The following GPC6 variants were observed in gnomAD, a reference collection of about 807,000 sequenced individuals.
GPC6 encodes the protein glypican 6.
A neutral mutation model predicts 55.2 loss-of-function variants in GPC6; 14 were observed. That is an observed-to-expected ratio of 0.25 (90% confidence interval 0.17 to 0.40). GPC6 has a LOEUF of 0.40. Among genes scored for constraint, GPC6 ranks in the 10% least tolerant of loss-of-function variants. GPC6 has a pLI of 1.00. For missense variants in GPC6, 641 were observed against 708.5 expected (o/e 0.90, Z 1.08); for synonymous variants, 278 against 259.6 (o/e 1.07, Z -0.68).
At chr13:93,892,891 G>T (rs1323244550) in intron 3 of GPC6, among the ~76,000 whole-genome samples, 1 of 152,108 alleles carries the variant, frequency 6.6e-6, no homozygotes, top group East Asian at 1.9e-4. Flanking sequence ...GCAAACATGT[G>T]TGAACATATT....
chr13:93,729,940 C>A (rs1002283899), intron 2 of GPC6, among the ~76,000 whole-genome samples: 1 of 152,158 alleles, frequency 6.6e-6, no homozygotes, highest in Admixed American at 6.5e-5. Context: ...TCCATGCTGT[C>A]TGAGCTTATT....
At chr13:93,894,478 A>C (rs1009144616) in intron 3 of GPC6, among the ~76,000 whole-genome samples, 8 of 152,118 alleles carry the variant, frequency 5.3e-5, no homozygotes, top group Non-Finnish European at 1.2e-4. Flanking sequence ...TATTTTCCAC[A>C]TATGCATTGC....
At chr13:93,641,017 G>T (rs1879911711) in intron 2 of GPC6, among the ~76,000 whole-genome samples, 1 of 151,864 alleles carries the variant, frequency 6.6e-6, no homozygotes, top group Non-Finnish European at 1.5e-5. Context: ...GAGATGGAAG[G>T]ATTAAGGAAA....
At chr13:93,862,779 A>T (rs998082276) in intron 3 of GPC6, among the ~76,000 whole-genome samples, 5 of 151,616 alleles carry the variant, frequency 3.3e-5, no homozygotes, top group African/African-American at 1.2e-4. Flanking sequence ...CCACTGTAGT[A>T]TATTCTGTTT....
chr13:94,001,344 A>C (rs1881790781), intron 3 of GPC6, among the ~76,000 whole-genome samples: 1 of 152,200 alleles, frequency 6.6e-6, no homozygotes. Context: ...ATGTTAGTTA[A>C]AACAAGAAAA....
chr13:93,816,657 C>T, intron 2 of GPC6, among the ~76,000 whole-genome samples: 1 of 150,108 alleles, frequency 6.7e-6, no homozygotes. Flanking sequence ...AATTTATAGC[C>T]ATCTACTTAA....
At chr13:93,845,924 G>A (rs1308974913) in intron 3 of GPC6, among the ~76,000 whole-genome samples, 2 of 151,454 alleles carry the variant, frequency 1.3e-5, no homozygotes, top group African/African-American at 2.4e-5. Context: ...CATGGCACAT[G>A]TATACATATG....
intron 4 of GPC6, among the ~76,000 whole-genome samples, chr13:94,212,229 C>T (rs1162315340): frequency 6.6e-6 from 1 of 152,088 alleles, no homozygotes; most frequent in African/African-American, 2.4e-5. Flanking sequence ...TTATTTTGAA[C>T]AAGTCATGAT....
chr13:93,603,389 T>G (rs1878105980), intron 2 of GPC6, among the ~76,000 whole-genome samples: 1 of 152,228 alleles, frequency 6.6e-6, no homozygotes, highest in South Asian at 2.1e-4. Flanking sequence ...TATTTTAGTA[T>G]TTCAATTAGT....
intron 4 of GPC6, among the ~76,000 whole-genome samples, chr13:94,102,860 T>C (rs1362319476): frequency 6.6e-6 from 1 of 152,166 alleles, no homozygotes; most frequent in Non-Finnish European, 1.5e-5. Flanking sequence ...TAATTAGTTA[T>C]GTATCTCCCA....
intron 3 of GPC6, among the ~76,000 whole-genome samples, chr13:93,969,959 G>A (rs2140392961): frequency 6.6e-6 from 1 of 152,290 alleles, no homozygotes; most frequent in East Asian, 1.9e-4. Context: ...ATCACCAGGT[G>A]TGATTATGTT....
At chr13:93,420,965 A>G (rs989011090) in intron 1 of GPC6, among the ~76,000 whole-genome samples, 1 of 152,128 alleles carries the variant, frequency 6.6e-6, no homozygotes, top group Non-Finnish European at 1.5e-5. Context: ...TGACTACAGG[A>G]AGCCAAGCAT....
intron 1 of GPC6, among the ~76,000 whole-genome samples, chr13:93,421,881 T>G (rs1876935434): frequency 1.3e-5 from 2 of 152,218 alleles, no homozygotes; most frequent in Admixed American, 1.3e-4. Context: ...TGACATTTGC[T>G]TCATATGCAC....
intron 1 of GPC6, among the ~76,000 whole-genome samples, chr13:93,232,625 A>G (rs1384673135): frequency 6.6e-6 from 1 of 152,226 alleles, no homozygotes; most frequent in Admixed American, 6.5e-5. Context: ...GAGTAGAAAT[A>G]TAGGCCACTG....
chr13:94,170,137 T>C lies in GPC6; in HGVS notation c.878-116212T>C, dbSNP rs184830712. The stretch of plus-strand genomic sequence containing the variant: ...AAAGCACAAGAAATAATGAGTGCTC[T>C]GAAAGAAAACACAGACAGGCACGTG... On this transcript the variant is annotated intron_variant, in intron 4 of 8. Coordinates refer to ENST00000377047, the MANE Select transcript of GPC6 (RefSeq NM_005708.5). Among the ~76,000 whole-genome samples the C allele has an allele frequency of 9.9e-5, 15 of 152,268 alleles. 1 individual carries two copies. Among genetic ancestry groups the C allele is most frequent in the Middle Eastern group, 3.4e-3 (1 of 294 alleles).
chr13:93,789,613 A>AC (rs1445169371), intron 2 of GPC6, among the ~76,000 whole-genome samples: 915 of 20,218 alleles, frequency 0.045, 47 homozygotes, highest in African/African-American at 0.13. Flanking sequence ...ATATATATAT[A>AC]TATATATATA....
intron 1 of GPC6, among the ~76,000 whole-genome samples, chr13:93,421,556 T>C (rs918557911): frequency 6.6e-6 from 1 of 152,168 alleles, no homozygotes; most frequent in African/African-American, 2.4e-5. Flanking sequence ...ATTGGGAATA[T>C]CCCTCACACT....
chr13:93,745,216 C>T (rs1255937834), intron 2 of GPC6, among the ~76,000 whole-genome samples: 1 of 152,048 alleles, frequency 6.6e-6, no homozygotes, highest in East Asian at 1.9e-4. Context: ...TAATTTTTTC[C>T]TTTCAGCCTT....
chr13:94,181,286 C>T (rs1338783058), intron 4 of GPC6, among the ~76,000 whole-genome samples: 5 of 152,100 alleles, frequency 3.3e-5, no homozygotes, highest in Non-Finnish European at 7.3e-5. Flanking sequence ...CATCACTGTC[C>T]TACCAATATT....
Sources: allele counts gnomAD v4.1 joint callset (sites outside exome capture counted in the v4.1 genomes callset), GRCh38; gene constraint gnomAD v4.1.1; transcripts MANE v1.5; gene names NCBI Gene and HGNC (gene_info 2026-07-23, HGNC 2026-07-21).